Variants in DAB1 observed in about 807,000 individuals in gnomAD.
DAB1 encodes disabled homolog 1.
DAB1 carries 15 observed loss-of-function variants against 64.6 expected under a neutral mutation model. That is an observed-to-expected ratio of 0.23 (90% CI 0.16 to 0.36). The LOEUF (loss-of-function observed/expected upper bound fraction) is 0.36, where lower values mean the gene tolerates loss of function less well. DAB1 is among the 10% of genes least tolerant of loss of function. DAB1 has a pLI of 1.00. For missense variants in DAB1, 596 were observed against 706.7 expected (o/e 0.84, Z 1.78); for synonymous variants, 235 against 251.9 (o/e 0.93, Z 0.64).
intron 5 of DAB1, among the ~76,000 whole-genome samples, chr1:57,988,183 A>G (rs1646270316): frequency 6.6e-6 from 1 of 152,166 alleles, no homozygotes; most frequent in South Asian, 2.1e-4. Context: ...CAGCGTAGTG[A>G]GAAAACCAAA....
chr1:58,495,887 T>C (rs1425183834), intron 3 of DAB1, among the ~76,000 whole-genome samples: 2 of 152,198 alleles, frequency 1.3e-5, no homozygotes, highest in African/African-American at 4.8e-5. Context: ...ATTCTTACTC[T>C]TGTATGCCTT....
chr1:57,961,118 C>T (rs571882714), intron 5 of DAB1, among the ~76,000 whole-genome samples: 2 of 152,260 alleles, frequency 1.3e-5, no homozygotes, highest in African/African-American at 2.4e-5. Flanking sequence ...CTTGTTAATG[C>T]AAAGCAAAGT....
intron 2 of DAB1, among the ~76,000 whole-genome samples, chr1:57,289,991 G>T (rs1316383904): frequency 6.6e-6 from 1 of 152,182 alleles, no homozygotes; most frequent in Non-Finnish European, 1.5e-5. Context: ...ATCACACTAT[G>T]CCTGCAAATC....
intron 5 of DAB1, among the ~76,000 whole-genome samples, chr1:58,064,071 TC>T (rs1346919521): frequency 6.6e-6 from 1 of 152,158 alleles, no homozygotes; most frequent in Non-Finnish European, 1.5e-5. Flanking sequence ...CCTTTATTCC[TC>T]AACTGTTACA....
intron 6 of DAB1, among the ~76,000 whole-genome samples, chr1:57,746,725 T>C (rs959532721): frequency 1.3e-5 from 2 of 152,242 alleles, no homozygotes; most frequent in African/African-American, 2.4e-5. Context: ...GTAAATGCTA[T>C]GTAAATGGTT....
intron 5 of DAB1, among the ~76,000 whole-genome samples, chr1:58,074,050 A>G (rs561678943): frequency 1.3e-5 from 2 of 152,322 alleles, no homozygotes; most frequent in East Asian, 1.9e-4. Context: ...GAGTTCTTCT[A>G]TCCTTCTGGA....
chr1:58,155,375 C>A (rs112238066), intron 4 of DAB1, among the ~76,000 whole-genome samples: 2 of 152,246 alleles, frequency 1.3e-5, no homozygotes, highest in Non-Finnish European at 2.9e-5. Flanking sequence ...CAGGGTGCTG[C>A]TGAACATCCT....
chr1:57,737,053 G>A (rs1364441466), intron 6 of DAB1, among the ~76,000 whole-genome samples: 1 of 152,208 alleles, frequency 6.6e-6, no homozygotes, highest in African/African-American at 2.4e-5. Context: ...AGCCAGGATA[G>A]AGCTGCAGCT....
chr1:58,376,637 G>C (rs200817923), intron 3 of DAB1, among the ~76,000 whole-genome samples: 40,438 of 142,706 alleles, frequency 0.28, 8,477 homozygotes, highest in Admixed American at 0.45. Flanking sequence ...GTGTGGTGCT[G>C]AAAAAAATGT....
At chr1:57,894,654 A>T (rs1471981993) in intron 5 of DAB1, among the ~76,000 whole-genome samples, 2 of 152,210 alleles carry the variant, frequency 1.3e-5, no homozygotes, top group East Asian at 3.9e-4. Flanking sequence ...GGGAAAAAAA[A>T]CTCGAAGGGT....
chr1:57,637,758 T>C (rs1459363664), intron 7 of DAB1, among the ~76,000 whole-genome samples: 1 of 152,138 alleles, frequency 6.6e-6, no homozygotes, highest in Non-Finnish European at 1.5e-5. Flanking sequence ...AAATTAGTAA[T>C]AGGCATCAGA....
chr1:57,205,326 A>C (rs1435417416), intron 2 of DAB1, among the ~76,000 whole-genome samples: 2 of 152,182 alleles, frequency 1.3e-5, no homozygotes, highest in Non-Finnish European at 2.9e-5. Context: ...TCAAATACTT[A>C]TTGAGCACCT....
intron 1 of DAB1, among the ~76,000 whole-genome samples, chr1:57,834,022 C>T (rs1652702835): frequency 6.6e-6 from 1 of 151,996 alleles, no homozygotes; most frequent in African/African-American, 2.4e-5. Flanking sequence ...TATTTGCATC[C>T]TATTAACCTA....
At chr1:58,375,229 C>T (rs1213673) in intron 3 of DAB1, among the ~76,000 whole-genome samples, 38,062 of 136,758 alleles carry the variant, frequency 0.28, 5,840 homozygotes, top group Admixed American at 0.4. Context: ...TGAATAGGAG[C>T]GGTGAGAGAG....
At chr1:57,145,459 G>A (rs1659027661) in intron 2 of DAB1, 30 bp from the exon 3 acceptor site, 3 of 1,613,158 alleles carry the variant, frequency 1.9e-6, no homozygotes, top group African/African-American at 1.3e-5. Flanking sequence ...ATTCAAATAT[G>A]TAGCTGTGCA....
At chr1:57,622,293 C>T (rs1645869536) in intron 7 of DAB1, among the ~76,000 whole-genome samples, 1 of 152,138 alleles carries the variant, frequency 6.6e-6, no homozygotes, top group Non-Finnish European at 1.5e-5. Flanking sequence ...CCAGTAAATC[C>T]TGTCACTGCA....
chr1:57,407,738 T>C lies in DAB1; in HGVS notation c.-137+16192A>G, dbSNP rs562800988. Among the ~76,000 whole-genome samples, 8 of 151,708 alleles carry C rather than the reference T, an allele frequency of 5.3e-5. No individual in the cohort carries two copies. The South Asian group carries it at 1.7e-3, about 32-fold the overall frequency. On this transcript the variant is annotated intron_variant, in intron 1 of 14. Transcript: ENST00000371236. Reference sequence around the variant, plus strand: ...CCATCCTGTCTATCTGGTAGGACTGTTGTGAAGATGGAAGAGGAAGATATC... The same window carrying C: ...CCATCCTGTCTATCTGGTAGGACTGCTGTGAAGATGGAAGAGGAAGATATC...
chr1:57,963,378 T>A (rs1225808126), intron 5 of DAB1, among the ~76,000 whole-genome samples: 1 of 152,160 alleles, frequency 6.6e-6, no homozygotes, highest in East Asian at 1.9e-4. Context: ...CTGGGTTAGG[T>A]ATCTTATCTG....
At chr1:57,358,312 G>C (rs745701630) in intron 1 of DAB1, among the ~76,000 whole-genome samples, 42 of 151,854 alleles carry the variant, frequency 2.8e-4, no homozygotes, top group Non-Finnish European at 5.2e-4. Context: ...ATTGTGTTGA[G>C]GTATATTTCT....
Sources: allele counts gnomAD v4.1 joint callset (sites outside exome capture counted in the v4.1 genomes callset), GRCh38; gene constraint gnomAD v4.1.1; transcripts MANE v1.5; gene names NCBI Gene and HGNC (gene_info 2026-07-23, HGNC 2026-07-21).